Variants in TNKS observed in about 807,000 individuals in gnomAD.
TNKS encodes the protein poly [ADP-ribose] polymerase tankyrase-1.
TNKS carries 72 observed loss-of-function variants against 135.8 expected under a neutral mutation model. The ratio of observed to expected loss-of-function variants is 0.53; its 90% confidence interval spans 0.44 to 0.64. The LOEUF (loss-of-function observed/expected upper bound fraction) is 0.64. TNKS is among the 30% of genes least tolerant of loss of function. The probability of loss-of-function intolerance (pLI) is 0.00; values close to 1 mark genes in which losing one functional copy is unlikely to be tolerated. For missense variants in TNKS, 1,769 were observed against 1,674.0 expected (o/e 1.06, Z -0.99); for synonymous variants, 849 against 649.3 (o/e 1.31, Z -4.68).
In TNKS at chr8:9,556,467, C is replaced by T. The variant is rs574559345; in HGVS notation, c.528C>T (p.Val176=). ...GPGAAGPGTG[V]PAVSGALREL... ...GGGCAGCAGGACCTGGGACAGGGGT[C>T]CCAGCAGTGAGCGGGGCCCTACGGG... Residue 176 remains valine (V), a synonymous_variant, in exon 1 of 27, where the codon GTC becomes GTT. Transcript: ENST00000310430. 1.9e-5 allele frequency: 30 copies of T among 1,614,134 alleles called. No homozygotes were observed. The highest frequency in any genetic ancestry group is 3.3e-4 in the Middle Eastern group (2 of 6,062).
chr8:9,690,661 A>G (rs909779290), intron 5 of TNKS, among the ~76,000 whole-genome samples: 1 of 152,108 alleles, frequency 6.6e-6, no homozygotes, highest in Non-Finnish European at 1.5e-5. Context: ...AGGCTGAGGC[A>G]GGAGAATCAT....
At chr8:9,750,874 G>T (rs1674260554) in intron 18 of TNKS, among the ~76,000 whole-genome samples, 1 of 152,172 alleles carries the variant, frequency 6.6e-6, no homozygotes, top group Non-Finnish European at 1.5e-5. Flanking sequence ...CATCCCGCAG[G>T]GCTCTCCCTG....
chr8:9,603,872 G>C (rs1799115299), intron 2 of TNKS, among the ~76,000 whole-genome samples: 1 of 151,794 alleles, frequency 6.6e-6, no homozygotes, highest in African/African-American at 2.4e-5. Context: ...ATTTAATCTG[G>C]TATACAGAGT....
chr8:9,662,844 A>G (rs553003213), intron 3 of TNKS, among the ~76,000 whole-genome samples: 2 of 152,346 alleles, frequency 1.3e-5, no homozygotes, highest in South Asian at 4.1e-4. Flanking sequence ...TCAATCTGCC[A>G]TTTACTAGTT....
intron 25 of TNKS, among the ~76,000 whole-genome samples, chr8:9,769,879 A>C (rs1394292520): frequency 6.6e-6 from 1 of 151,924 alleles, no homozygotes; most frequent in African/African-American, 2.4e-5. Flanking sequence ...CCGATTCCTA[A>C]GCCATACCAA....
Position 9,716,142 on chromosome 8 carries a change from C to T in TNKS, c.1750-4232C>T, listed in dbSNP as rs80269310. Among the ~76,000 whole-genome samples the T allele has an allele frequency of 8.5e-5, 13 of 152,212 alleles. No homozygotes were observed. The East Asian group carries it at 2.5e-3, about 29-fold the overall frequency. On this transcript the variant is annotated intron_variant, in intron 11 of 26. Coordinates refer to ENST00000310430, the MANE Select transcript of TNKS (RefSeq NM_003747.3). ...TGTCTTAATTTGACAGATTTATTTA[C>T]ATTGTGTTTAAGAAGATATTGTGAC...
At chr8:9,710,342 A>T (rs1804263010) in intron 11 of TNKS, 122 bp downstream of exon 11, 3 of 845,862 alleles carry the variant, frequency 3.5e-6, no homozygotes, top group Non-Finnish European at 5.8e-6. Context: ...ATTAGTTCGT[A>T]CTTAAATTCA....
At chr8:9,762,076 C>G (rs1807175014) in intron 21 of TNKS, among the ~76,000 whole-genome samples, 1 of 152,186 alleles carries the variant, frequency 6.6e-6, no homozygotes, top group Non-Finnish European at 1.5e-5. Flanking sequence ...AATCCTGTTT[C>G]TTTTAGGATA....
At chr8:9,557,450 T>A (rs1281227342) in intron 1 of TNKS, 1 of 150,846 alleles carries the variant, frequency 6.6e-6, no homozygotes, top group Non-Finnish European at 1.5e-5. Flanking sequence ...AGACACCTAA[T>A]AATATGTTTA....
chr8:9,637,632 C>T (rs1381700985), intron 3 of TNKS, among the ~76,000 whole-genome samples: 1 of 152,094 alleles, frequency 6.6e-6, no homozygotes, highest in Non-Finnish European at 1.5e-5. Flanking sequence ...GTATCCTTTT[C>T]TCCAGGAGAG....
At chr8:9,697,063 C>T (rs1017541708) in intron 5 of TNKS, among the ~76,000 whole-genome samples, 2 of 152,056 alleles carry the variant, frequency 1.3e-5, no homozygotes, top group Non-Finnish European at 2.9e-5. Flanking sequence ...TGTCAGGCTA[C>T]AATAAAGAAA....
intron 2 of TNKS, among the ~76,000 whole-genome samples, chr8:9,591,098 C>A (rs1033675719): frequency 6.6e-6 from 1 of 152,238 alleles, no homozygotes; most frequent in Admixed American, 6.5e-5. Flanking sequence ...AAGGGTCCAA[C>A]GTCATGCCTT....
intron 20 of TNKS, among the ~76,000 whole-genome samples, chr8:9,759,586 C>T (rs891772196): frequency 6.6e-6 from 1 of 152,096 alleles, no homozygotes; most frequent in Non-Finnish European, 1.5e-5. Context: ...ATTAAATATT[C>T]TCCATTACTC....
chr8:9,745,870 C>T (rs1806209303), intron 17 of TNKS, among the ~76,000 whole-genome samples: 3 of 152,116 alleles, frequency 2.0e-5, no homozygotes, highest in Admixed American at 2.0e-4. Flanking sequence ...ATTTATATTA[C>T]ATAAAGTTAA....
At chr8:9,672,783 C>G (rs915416272) in intron 3 of TNKS, among the ~76,000 whole-genome samples, 1 of 150,020 alleles carries the variant, frequency 6.7e-6, no homozygotes, top group Admixed American at 6.6e-5. Flanking sequence ...TAGTTGATGG[C>G]TTAAATAATA....
intron 17 of TNKS, chr8:9,741,876 C>T: frequency 3.9e-6 from 1 of 259,304 alleles, no homozygotes. Flanking sequence ...TTTTCATAAA[C>T]TTTATTCACC....
intron 2 of TNKS, among the ~76,000 whole-genome samples, chr8:9,588,923 A>G (rs1177994404): frequency 1.3e-5 from 2 of 152,172 alleles, no homozygotes; most frequent in African/African-American, 4.8e-5. Flanking sequence ...AGCTTATCCA[A>G]GTTGAGAGGG....
At chr8:9,612,979 C>A (rs1799517405) in intron 2 of TNKS, among the ~76,000 whole-genome samples, 1 of 152,134 alleles carries the variant, frequency 6.6e-6, no homozygotes, top group Non-Finnish European at 1.5e-5. Context: ...CCATAAAGAT[C>A]TTCATCCTCA....
chr8:9,725,322 C>G (rs1334797849), intron 12 of TNKS, among the ~76,000 whole-genome samples: 2 of 152,160 alleles, frequency 1.3e-5, no homozygotes, highest in African/African-American at 4.8e-5. Flanking sequence ...AACATTTCCA[C>G]AAATTAAAAT....
Sources: gnomAD v4.1 joint callset for allele counts (sites outside exome capture counted in the v4.1 genomes callset) on GRCh38, gnomAD v4.1.1 for gene constraint, MANE v1.5 for transcripts, NCBI Gene and HGNC (gene_info 2026-07-23, HGNC 2026-07-21) for gene names.